The following SLC2A14 variants were observed in gnomAD, a reference collection of about 807,000 sequenced individuals.
The protein encoded by SLC2A14 is solute carrier family 2, facilitated glucose transporter member 14.
SLC2A14 carries 13 observed loss-of-function variants against 43.0 expected under a neutral mutation model. That is an observed-to-expected ratio of 0.30 (90% CI 0.20 to 0.48). The LOEUF (loss-of-function observed/expected upper bound fraction) is 0.48. SLC2A14 is among the 20% of genes least tolerant of loss of function. The pLI is 0.99. For missense variants in SLC2A14, 428 were observed against 620.4 expected (o/e 0.69, Z 3.29); for synonymous variants, 190 against 233.8 (o/e 0.81, Z 1.71).
At chr12:7,830,627 C>A (rs1443461999) in intron 4 of SLC2A14, among the ~76,000 whole-genome samples, 1 of 151,890 alleles carries the variant, frequency 6.6e-6, no homozygotes, top group African/African-American at 2.4e-5. Flanking sequence ...CAGAGCAAGA[C>A]CCTGCTTCTT....
chr12:7,879,718 T>G (rs1330718878), intron 1 of SLC2A14, among the ~76,000 whole-genome samples: 1 of 150,956 alleles, frequency 6.6e-6, no homozygotes, highest in Non-Finnish European at 1.5e-5. Flanking sequence ...ACAACAAGTT[T>G]TTTAGGCCAG....
chr12:7,836,679 C>CA (rs1170934512), intron 2 of SLC2A14, among the ~76,000 whole-genome samples: 5 of 149,096 alleles, frequency 3.4e-5, no homozygotes, highest in Admixed American at 2.7e-4. Context: ...ACTAAAGACA[C>CA]AAAAAAATTA....
intron 2 of SLC2A14, among the ~76,000 whole-genome samples, chr12:7,843,420 A>G (rs866726661): frequency 0.015 from 2,030 of 136,114 alleles, 6 homozygotes; most frequent in African/African-American, 0.054. Context: ...GGCAGGGGAC[A>G]GGATGTGAGC....
intron 2 of SLC2A14, among the ~76,000 whole-genome samples, chr12:7,866,599 C>T (rs183621242): frequency 6.6e-6 from 1 of 152,242 alleles, no homozygotes; most frequent in East Asian, 1.9e-4. Flanking sequence ...ATCCTGGCCT[C>T]AGGTGATCCA....
intron 1 of SLC2A14, chr12:7,872,595 AGCGGAGCC>A (rs1216535559): frequency 8.1e-6 from 2 of 248,004 alleles, no homozygotes; most frequent in Non-Finnish European, 1.3e-5. Flanking sequence ...CAGCACCTAG[AGCGGAGCC>A]CAGGACATAG....
chr12:7,832,570 G>C, intron 3 of SLC2A14, 152 bp downstream of exon 3: 1 of 756,468 alleles, frequency 1.3e-6, no homozygotes, highest in South Asian at 1.8e-5. Flanking sequence ...TTAACTCCTG[G>C]GCTCAAGTGA....
In SLC2A14 at chr12:7,872,198, A is replaced by G. The variant is rs1319108579; in HGVS notation, c.-58+609T>C. The G allele has an allele frequency of 3.9e-5, 6 of 152,342 alleles. No homozygotes were observed. The East Asian group carries it at 1.2e-3, about 29-fold the overall frequency. The allele number at this position is 152,342 out of a possible 1,614,324, so 9.4% of individuals were successfully genotyped here. A position where few individuals can be genotyped will look rare whatever the true frequency, so the allele number is the denominator to read the frequency against. The stretch of plus-strand genomic sequence containing the variant: ...AGCACTGAATAAATGAATGATCCAT[A>G]ATTTCCTAAGACAATTCCAATTTTC... On this transcript the variant is annotated intron_variant, in intron 1 of 10. Coordinates refer to ENST00000431042, the MANE Select transcript of SLC2A14 (RefSeq NM_001286234.2).
intron 1 of SLC2A14, among the ~76,000 whole-genome samples, chr12:7,882,466 CCTG>C (rs1945601195): frequency 6.6e-6 from 1 of 152,106 alleles, no homozygotes; most frequent in African/African-American, 2.4e-5. Context: ...TCCCCCAATT[CCTG>C]ACACAGCGCC....
At chr12:7,834,321 C>G (rs976073967) in intron 2 of SLC2A14, among the ~76,000 whole-genome samples, 3 of 151,924 alleles carry the variant, frequency 2.0e-5, no homozygotes, top group African/African-American at 7.3e-5. Flanking sequence ...AAGTGATCCT[C>G]ATGCCTTAGC....
chr12:7,858,549 G>A (rs1944377055), intron 2 of SLC2A14, among the ~76,000 whole-genome samples: 1 of 151,976 alleles, frequency 6.6e-6, no homozygotes, highest in Admixed American at 6.6e-5. Flanking sequence ...GCCAAGGCTG[G>A]AGTGCAATGG....
chr12:7,835,100 TAAA>T (rs35514872), intron 2 of SLC2A14, among the ~76,000 whole-genome samples: 8 of 144,106 alleles, frequency 5.6e-5, no homozygotes, highest in African/African-American at 1.3e-4. Flanking sequence ...GTAGCTCTAT[TAAA>T]AAAAAAAAAA....
At chr12:7,827,075 CTT>C (rs35431221) in intron 7 of SLC2A14, among the ~76,000 whole-genome samples, 14 of 39,642 alleles carry the variant, frequency 3.5e-4, no homozygotes, top group African/African-American at 6.5e-4. Flanking sequence ...CTCTCTCTCT[CTT>C]TCTTTCTTTC....
chr12:7,883,019 G>C (rs1487732106), intron 1 of SLC2A14, among the ~76,000 whole-genome samples: 2 of 151,700 alleles, frequency 1.3e-5, no homozygotes, highest in Admixed American at 6.6e-5. Context: ...GACCATCCTG[G>C]CCAACATGGT....
At chr12:7,840,160 CTTTTTTTTT>C (rs58740298) in intron 2 of SLC2A14, among the ~76,000 whole-genome samples, 19 of 68,794 alleles carry the variant, frequency 2.8e-4, no homozygotes, top group Admixed American at 7.3e-4. Context: ...GAGTTTGCTC[CTTTTTTTTT>C]TTTTTTTTTT....
At chr12:7,823,857 T>G (rs1592156893) in intron 7 of SLC2A14, among the ~76,000 whole-genome samples, 1 of 152,328 alleles carries the variant, frequency 6.6e-6, no homozygotes, top group East Asian at 1.9e-4. Context: ...TATTAGTCTT[T>G]TTGATAATAT....
chr12:7,881,870 G>C (rs1340996368), intron 1 of SLC2A14, among the ~76,000 whole-genome samples: 1 of 152,168 alleles, frequency 6.6e-6, no homozygotes, highest in African/African-American at 2.4e-5. Context: ...CAGGGTTTGT[G>C]AATGCATCAA....
At chr12:7,871,370 G>T in intron 1 of SLC2A14, 2 of 534,934 alleles carry the variant, frequency 3.7e-6, no homozygotes, top group South Asian at 4.9e-5. Flanking sequence ...GGGCAAAGAT[G>T]ACTAGGCCAC....
At chr12:7,887,867 C>A (rs137915555) in intron 1 of SLC2A14, among the ~76,000 whole-genome samples, 2 of 152,236 alleles carry the variant, frequency 1.3e-5, no homozygotes, top group East Asian at 3.9e-4. Context: ...TTTTTAAAGA[C>A]GGTCGTATCA....
intron 9 of SLC2A14, 56 bp downstream of exon 9, chr12:7,819,426 C>T: frequency 6.3e-7 from 1 of 1,595,620 alleles, no homozygotes; most frequent in Non-Finnish European, 8.5e-7. Flanking sequence ...TCACAGAAGT[C>T]AACTGTAACC....
Sources: allele counts gnomAD v4.1 joint callset (sites outside exome capture counted in the v4.1 genomes callset), GRCh38; gene constraint gnomAD v4.1.1; transcripts MANE v1.5; gene names NCBI Gene and HGNC (gene_info 2026-07-23, HGNC 2026-07-21).